PPM1E: variants seen among roughly 807,000 people sequenced by gnomAD.
The protein encoded by PPM1E is protein phosphatase 1E.
A neutral mutation model predicts 65.9 loss-of-function variants in PPM1E; 20 were observed. The ratio of observed to expected loss-of-function variants is 0.30; its 90% CI spans 0.21 to 0.44. The LOEUF (loss-of-function observed/expected upper bound fraction) is 0.44, where lower values mean the gene tolerates loss of function less well. Among genes scored for constraint, PPM1E ranks in the 20% least tolerant of loss-of-function variants. PPM1E has a pLI of 1.00. For missense variants in PPM1E, 713 were observed against 953.1 expected, an observed-to-expected ratio of 0.75 and a Z score of 3.32; for synonymous variants, 352 against 374.9, an observed-to-expected ratio of 0.94 and a Z score of 0.70.
At chr17:58,818,678 G>C (rs2050450458) in intron 1 of PPM1E, among the ~76,000 whole-genome samples, 1 of 151,430 alleles carries the variant, frequency 6.6e-6, no homozygotes, top group Admixed American at 6.6e-5. Flanking sequence ...CCTAGATCTT[G>C]GTTTAAATTT....
At chr17:58,877,169 A>G (rs1454460486) in intron 1 of PPM1E, among the ~76,000 whole-genome samples, 2 of 152,232 alleles carry the variant, frequency 1.3e-5, no homozygotes, top group Non-Finnish European at 2.9e-5. Context: ...AATAGACATA[A>G]AATGTTTTGC....
intron 1 of PPM1E, among the ~76,000 whole-genome samples, chr17:58,863,056 G>A (rs927342011): frequency 6.6e-6 from 1 of 152,192 alleles, no homozygotes; most frequent in Non-Finnish European, 1.5e-5. Context: ...TGGAATGTCT[G>A]ACTTTGAATG....
chr17:58,773,975 A>G lies in PPM1E; in HGVS notation c.464+17514A>G, dbSNP rs1451014672. On this transcript the variant is annotated intron_variant, in intron 1 of 6. Transcript: ENST00000308249. ...TCAGGAGTTCCAGACCAGTCTGGCC[A>G]ACATGGTGAAACCCTGTCTCTACTA... is the stretch of plus-strand genomic sequence containing the variant. 3.3e-5 allele frequency among the ~76,000 whole-genome samples: 5 copies of G among 152,242 alleles called. No homozygotes were observed. The East Asian group carries it at 9.7e-4, about 29-fold the overall frequency.
intron 1 of PPM1E, among the ~76,000 whole-genome samples, chr17:58,877,379 A>G (rs2051139550): frequency 1.3e-5 from 2 of 152,328 alleles, no homozygotes; most frequent in South Asian, 2.1e-4. Context: ...GCTGGCTCAC[A>G]TATTATGTTT....
intron 1 of PPM1E, among the ~76,000 whole-genome samples, chr17:58,762,383 A>T (rs774270564): frequency 2.6e-5 from 4 of 151,958 alleles, no homozygotes; most frequent in Middle Eastern, 6.3e-3. Flanking sequence ...GGACTGCTTG[A>T]GCCCAGGAGG....
At chr17:58,857,815 T>A (rs1199092134) in intron 1 of PPM1E, among the ~76,000 whole-genome samples, 1 of 152,126 alleles carries the variant, frequency 6.6e-6, no homozygotes, top group East Asian at 1.9e-4. Context: ...TTTAAAAAAA[T>A]TAATTCATAA....
chr17:58,756,361 C>A lies in PPM1E; in HGVS notation c.364C>A (p.Pro122Thr). ...SAVPPPPPQL[P>T]PLPPLPRPLS... Reference sequence around the variant, plus strand: ...CGTGCCGCCGCCGCCGCCCCAGCTGCCGCCTTTGCCCCCGCTCCCGCGACC... The same window carrying A: ...CGTGCCGCCGCCGCCGCCCCAGCTGACGCCTTTGCCCCCGCTCCCGCGACC... Residue 122 changes from proline (P) to threonine (T), a missense_variant, in exon 1 of 7, where the codon CCG becomes ACG. Physicochemically the swap from Pro to Thr is conservative, Grantham distance 38 (BLOSUM62 -1). This residue lies in a region of PPM1E where 212 missense variants were observed against 204.0 expected (regional missense o/e 1.04). Transcript: ENST00000308249. The A allele has an allele frequency of 7.3e-7, 1 of 1,377,170 alleles. No homozygotes were observed. The highest frequency in any genetic ancestry group is 9.4e-7 in the Non-Finnish European group (1 of 1,067,930). 85.3% of individuals were successfully genotyped at this position (1,377,170 alleles called of 1,614,324 possible).
intron 1 of PPM1E, among the ~76,000 whole-genome samples, chr17:58,789,333 C>G (rs916709449): frequency 6.6e-6 from 1 of 152,136 alleles, no homozygotes; most frequent in Non-Finnish European, 1.5e-5. Context: ...TCCATCCCAC[C>G]CCTATTTAGT....
chr17:58,887,162 CTTTTTTT>C (rs71143300), intron 1 of PPM1E, among the ~76,000 whole-genome samples: 1 of 111,700 alleles, frequency 9.0e-6, no homozygotes, highest in Non-Finnish European at 1.8e-5. Flanking sequence ...AGGCCTTCTT[CTTTTTTT>C]TTTTTTTTTT....
rs185506043 is a variant in PPM1E at position 58,818,821 on chromosome 17, T to C, written c.464+62360T>C. ...GGCAAGAGTCTGTGATAGTGCTTGG[T>C]ACATAATTAGTACTCAACACGTATT... On this transcript the variant is annotated intron_variant, in intron 1 of 6. Coordinates refer to ENST00000308249, the MANE Select transcript of PPM1E (RefSeq NM_014906.5). Among the ~76,000 whole-genome samples the C allele has an allele frequency of 3.3e-5, 5 of 152,216 alleles. No homozygotes were observed. The South Asian group carries it at 1.0e-3, about 31-fold the overall frequency.
At chr17:58,903,387 A>G (rs1047903008) in intron 1 of PPM1E, among the ~76,000 whole-genome samples, 3 of 152,188 alleles carry the variant, frequency 2.0e-5, no homozygotes, top group African/African-American at 4.8e-5. Flanking sequence ...AGCTGGGTTT[A>G]GCAGGCTATT....
chr17:58,870,564 G>C (rs1280211081), intron 1 of PPM1E, among the ~76,000 whole-genome samples: 1 of 152,160 alleles, frequency 6.6e-6, no homozygotes, highest in Non-Finnish European at 1.5e-5. Context: ...ACTTATAAGT[G>C]AGAACATGCA....
At chr17:58,861,659 C>T (rs1001396264) in intron 1 of PPM1E, among the ~76,000 whole-genome samples, 1 of 152,140 alleles carries the variant, frequency 6.6e-6, no homozygotes, top group Non-Finnish European at 1.5e-5. Context: ...GGCACGGTGG[C>T]TCACGCTGGT....
At position 58,814,045 on chromosome 17, in the gene PPM1E, G is replaced by C. The variant is rs146398956; in HGVS notation, c.464+57584G>C. On this transcript the variant is annotated intron_variant, in intron 1 of 6. Coordinates refer to ENST00000308249, the MANE Select transcript of PPM1E (RefSeq NM_014906.5). The stretch of plus-strand genomic sequence containing the variant: ...TAATAATGTAATGGAAATGGAATTA[G>C]ATAAGTAAATAATAGAAAATAGAAT... Among the ~76,000 whole-genome samples the C allele has an allele frequency of 2.0e-5, 3 of 152,266 alleles. No individual in the cohort carries two copies. The East Asian group carries it at 5.8e-4, about 29-fold the overall frequency.
At chr17:58,895,236 C>G (rs2051398211) in intron 1 of PPM1E, among the ~76,000 whole-genome samples, 2 of 152,292 alleles carry the variant, frequency 1.3e-5, no homozygotes, top group Non-Finnish European at 1.5e-5. Context: ...CCCCATCCCT[C>G]TCTCCCCTTT....
chr17:58,851,124 A>G (rs568026997), intron 1 of PPM1E, among the ~76,000 whole-genome samples: 28 of 152,112 alleles, frequency 1.8e-4, no homozygotes, highest in Non-Finnish European at 2.8e-4. Context: ...TTTCAGCTCC[A>G]TCAGGTCATT....
intron 2 of PPM1E, among the ~76,000 whole-genome samples, chr17:58,956,296 T>C (rs1483639831): frequency 2.0e-5 from 3 of 151,740 alleles, no homozygotes; most frequent in African/African-American, 7.3e-5. Context: ...AATTAGCCGG[T>C]GTAGTGGTGC....
rs542871311 is a variant in PPM1E, at chr17:58,894,691, C to G, written c.465-60958C>G. Among the ~76,000 whole-genome samples, 9 of 152,280 alleles carry G rather than the reference C, an allele frequency of 5.9e-5. No individual in the cohort carries two copies. The East Asian group carries it at 1.7e-3, about 29-fold the overall frequency. On this transcript the variant is annotated intron_variant, in intron 1 of 6. Transcript: ENST00000308249. ...ATATACACACACACATACATATACA[C>G]ACAAACACACATACACACATTATTT...
In PPM1E at chr17:58,905,227, G is replaced by T. The variant is rs73315146; in HGVS notation, c.465-50422G>T. Among the ~76,000 whole-genome samples the T allele has an allele frequency of 9.1e-3, 1,380 of 152,118 alleles. 26 individuals are homozygous for T. Among genetic ancestry groups the T allele is most frequent in the African/African-American group, 0.031 (1,275 of 41,480 alleles). On this transcript the variant is annotated intron_variant, in intron 1 of 6. Transcript: ENST00000308249. ...TTTCTTGTCTTATTGCATTAACTAGGACTTCAAGTACAATGTTGAAAAAGA... is the reference window on the plus strand; with the variant it reads ...TTTCTTGTCTTATTGCATTAACTAGTACTTCAAGTACAATGTTGAAAAAGA...
Sources: gnomAD v4.1 joint callset for allele counts (sites outside exome capture counted in the v4.1 genomes callset) on GRCh38, gnomAD v4.1.1 for gene constraint, gnomAD v4.1.1 regional missense constraint, MANE v1.5 for transcripts, NCBI Gene and HGNC (gene_info 2026-07-23, HGNC 2026-07-21) for gene names.